Variants in TULP4 observed in about 807,000 individuals in gnomAD.
The protein encoded by TULP4 is TUB like protein 4, also known as tubby-related protein 4.
Under a neutral mutation model 129.0 loss-of-function variants are expected in TULP4, and 16 were observed. That is an observed-to-expected ratio of 0.12 (90% CI 0.08 to 0.19). The LOEUF (loss-of-function observed/expected upper bound fraction) is 0.19. Ranked by LOEUF, TULP4 falls within the 10% of genes least tolerant of loss-of-function variation. TULP4 has a pLI of 1.00. For synonymous variants in TULP4, 998 were observed against 854.0 expected (o/e 1.17, Z -2.94); for missense variants, 1,842 against 2,059.1 (o/e 0.89, Z 2.04).
rs528597686 is a variant in TULP4, at chr6:158,497,092, A to AT, written c.1871-1576dup. On this transcript the variant is annotated intron_variant, in intron 11 of 13. Transcript: ENST00000367097. ...GGTCTTAAACTCCTGGCTTCAAGCC[A>AT]TACCCCCATCTTGGCCTCTCAAAGT... Among the ~76,000 whole-genome samples, 387 of 152,376 alleles carry AT rather than the reference A, an allele frequency of 2.5e-3. 4 individuals carry two copies. The highest frequency in any genetic ancestry group is 9.1e-3 in the African/African-American group (377 of 41,600).
intron 1 of TULP4, among the ~76,000 whole-genome samples, chr6:158,381,938 T>G (rs575795617): frequency 3.3e-4 from 51 of 152,332 alleles, no homozygotes; most frequent in African/African-American, 1.2e-3. Flanking sequence ...TGTTGTTGTT[T>G]TTTCCAGGTA....
At chr6:158,392,837 C>T (rs1777619563) in intron 1 of TULP4, among the ~76,000 whole-genome samples, 1 of 101,940 alleles carries the variant, frequency 9.8e-6, no homozygotes, top group Admixed American at 1.3e-4. Flanking sequence ...AGTCTCGCTC[C>T]ATTGCCAGGC....
At chr6:158,285,423 C>CA (rs1778819456) in intron 1 of TULP4, among the ~76,000 whole-genome samples, 2 of 152,082 alleles carry the variant, frequency 1.3e-5, no homozygotes, top group Non-Finnish European at 1.5e-5. Flanking sequence ...CGTAAGGAAA[C>CA]ACTTTTGCTG....
intron 8 of TULP4, among the ~76,000 whole-genome samples, chr6:158,483,244 T>C (rs1360373430): frequency 2.0e-5 from 3 of 152,200 alleles, no homozygotes; most frequent in Non-Finnish European, 4.4e-5. Context: ...AGGCACAATA[T>C]AACTAATTGC....
intron 1 of TULP4, among the ~76,000 whole-genome samples, chr6:158,288,725 C>T (rs535390872): frequency 6.6e-6 from 1 of 152,282 alleles, no homozygotes; most frequent in East Asian, 1.9e-4. Context: ...TGGTCTCGAT[C>T]TCCTGACCTC....
At chr6:158,309,297 G>A (rs1176510362), upstream of TULP4, among the ~76,000 whole-genome samples, 3 of 142,060 alleles carry the variant, frequency 2.1e-5, no homozygotes, top group East Asian at 2.1e-4. Flanking sequence ...CAGACGGGGC[G>A]GCGGGGCAGA....
chr6:158,443,952 G>C (rs556331384), intron 3 of TULP4, among the ~76,000 whole-genome samples: 3 of 152,184 alleles, frequency 2.0e-5, no homozygotes, highest in South Asian at 2.1e-4. Flanking sequence ...GGGTGCGGTG[G>C]CTCACGCCTG....
Position 158,237,422 on chromosome 6 carries a change from G to A in TULP4, n.68+5119G>A, listed in dbSNP as rs1015120983. On this transcript the variant is annotated intron_variant and non_coding_transcript_variant, in intron 1 of 1. Coordinates refer to the TULP4 transcript ENST00000620026. The stretch of plus-strand genomic sequence containing the variant: ...GCCCCTGCAGGTCTCTGGTGTCTTG[G>A]GGGTATGATGTTACTTGTAGAGGCA... 1.3e-5 allele frequency: 21 copies of A among 1,595,880 alleles called. No individual in the cohort carries two copies. In the African/African-American group the frequency reaches 1.9e-4, roughly 14 times the overall value.
chr6:158,503,546 C>G lies in TULP4; in HGVS notation c.3883C>G (p.Pro1295Ala). The G allele has an allele frequency of 6.2e-7, 1 of 1,614,020 alleles. No individual in the cohort carries two copies. The highest frequency in any genetic ancestry group is 8.5e-7 in the Non-Finnish European group (1 of 1,180,042). The change falls in exon 13 of 14, where the codon CCA (proline) becomes GCA (alanine). Residue 1295 changes from proline (P) to alanine (A), a missense_variant. Coordinates refer to ENST00000367097, the MANE Select transcript of TULP4 (RefSeq NM_020245.5). This position sits in a 1 kb window ranked among gnomAD's most constrained non-coding sequence, Gnocchi z 4.3. Reference sequence around the variant, plus strand: ...GGTGGAGAAGCCCCTTGTGTCCCCACCACCTGCCGACCTCCAAAGCCACTT... The same window carrying G: ...GGTGGAGAAGCCCCTTGTGTCCCCAGCACCTGCCGACCTCCAAAGCCACTT... Reference protein sequence around the residue: ...LVVEKPLVSPPPADLQSHLGT... With the variant: ...LVVEKPLVSPAPADLQSHLGT...
chr6:158,337,107 TC>T (rs1780059499), intron 1 of TULP4, among the ~76,000 whole-genome samples: 67 of 144,600 alleles, frequency 4.6e-4, no homozygotes, highest in Middle Eastern at 3.5e-3. Flanking sequence ...TCTCTTTTTT[TC>T]TCTCTCTCTC....
intron 6 of TULP4, among the ~76,000 whole-genome samples, chr6:158,475,959 C>CA (rs1779807257): frequency 6.6e-6 from 1 of 152,222 alleles, no homozygotes; most frequent in Non-Finnish European, 1.5e-5. Flanking sequence ...TGTGGACTTA[C>CA]AGGGGTCCTG....
intron 5 of TULP4, among the ~76,000 whole-genome samples, chr6:158,453,624 AT>A (rs1236872604): frequency 6.6e-6 from 1 of 150,984 alleles, no homozygotes; most frequent in Non-Finnish European, 1.5e-5. Context: ...CCTCGTCTGT[AT>A]TAAAAATACA....
intron 1 of TULP4, among the ~76,000 whole-genome samples, chr6:158,303,161 C>T (rs189596989): frequency 5.4e-4 from 82 of 151,128 alleles, no homozygotes; most frequent in African/African-American, 1.8e-3. Flanking sequence ...CCTAGGACCC[C>T]GTGTCTTATC....
At chr6:158,268,035 C>CTTTTT (rs773811376) in intron 1 of TULP4, among the ~76,000 whole-genome samples, 1 of 72,770 alleles carries the variant, frequency 1.4e-5, no homozygotes, top group African/African-American at 4.0e-5. Context: ...TTTCTTTTTT[C>CTTTTT]TTTTTTTTTT....
intron 2 of TULP4, among the ~76,000 whole-genome samples, chr6:158,422,785 G>C (rs1022922788): frequency 2.6e-5 from 4 of 152,228 alleles, no homozygotes; most frequent in Non-Finnish European, 4.4e-5. Flanking sequence ...TCACCATGTA[G>C]CCTGCGGAAA....
intron 1 of TULP4, among the ~76,000 whole-genome samples, chr6:158,305,340 T>C (rs995849893): frequency 4.7e-5 from 7 of 150,228 alleles, no homozygotes; most frequent in African/African-American, 1.7e-4. Context: ...TGTGTGTGTG[T>C]GTGTGTGTGT....
At chr6:158,240,997 G>A (rs1000242405) in intron 1 of TULP4, among the ~76,000 whole-genome samples, 1 of 138,794 alleles carries the variant, frequency 7.2e-6, no homozygotes, top group African/African-American at 2.5e-5. Flanking sequence ...AGACGGGGTG[G>A]TTGCCAGGCA....
intron 3 of TULP4, among the ~76,000 whole-genome samples, chr6:158,439,058 C>CT (rs1220937129): frequency 5.9e-5 from 9 of 151,912 alleles, no homozygotes; most frequent in Non-Finnish European, 1.0e-4. Context: ...GTAGTCCCAG[C>CT]TACTCAGGAG....
intron 1 of TULP4, among the ~76,000 whole-genome samples, chr6:158,235,572 T>G (rs959165495): frequency 3.9e-5 from 6 of 152,206 alleles, no homozygotes; most frequent in Non-Finnish European, 7.3e-5. Context: ...GGTCTTGAAC[T>G]CCTGGGCTCA....
Sources: allele counts gnomAD v4.1 joint callset (sites outside exome capture counted in the v4.1 genomes callset), GRCh38; gene constraint gnomAD v4.1.1; non-coding constraint Gnocchi (gnomAD v3.1); transcripts MANE v1.5; gene names NCBI Gene and HGNC (gene_info 2026-07-23, HGNC 2026-07-21).